The following ENOX1 variants were observed in gnomAD, a reference collection of about 807,000 sequenced individuals.
The protein encoded by ENOX1 is ecto-NOX disulfide-thiol exchanger 1.
Under a neutral mutation model 82.5 loss-of-function variants are expected in ENOX1, and 42 were observed. The observed-to-expected ratio is 0.51, with a 90% CI of 0.40 to 0.66. The LOEUF (loss-of-function observed/expected upper bound fraction) is 0.66. ENOX1 is among the 30% of genes least tolerant of loss of function. The probability of loss-of-function intolerance (pLI) is 0.00; values close to 1 mark genes in which losing one functional copy is unlikely to be tolerated. For missense variants in ENOX1, 608 were observed against 811.6 expected (o/e 0.75, Z 3.05); for synonymous variants, 271 against 282.2 (o/e 0.96, Z 0.40).
chr13:43,290,797 C>T (rs895578377), intron 12 of ENOX1, among the ~76,000 whole-genome samples: 4 of 152,096 alleles, frequency 2.6e-5, no homozygotes, highest in Non-Finnish European at 5.9e-5. Context: ...GAGGTTGAGG[C>T]GGGCAGATCA....
intron 11 of ENOX1, among the ~76,000 whole-genome samples, chr13:43,316,952 G>A (rs1453694607): frequency 6.6e-6 from 1 of 152,228 alleles, no homozygotes; most frequent in Non-Finnish European, 1.5e-5. Context: ...TGGGTTCCCA[G>A]AAGAGAAAAT....
At chr13:43,776,086 A>C (rs748513480) in intron 1 of ENOX1, among the ~76,000 whole-genome samples, 1 of 152,254 alleles carries the variant, frequency 6.6e-6, no homozygotes, top group Non-Finnish European at 1.5e-5. Flanking sequence ...CATGCAGTAA[A>C]GTGCCAGCCA....
chr13:43,601,994 C>T (rs1331691172), intron 2 of ENOX1, among the ~76,000 whole-genome samples: 1 of 151,966 alleles, frequency 6.6e-6, no homozygotes, highest in Admixed American at 6.6e-5. Context: ...GAGAAATAAA[C>T]TATACAAACA....
intron 1 of ENOX1, among the ~76,000 whole-genome samples, chr13:43,757,017 A>C (rs915494657): frequency 1.3e-5 from 2 of 151,292 alleles, no homozygotes; most frequent in Non-Finnish European, 2.9e-5. Context: ...TAGGGTTGTA[A>C]GCATCGTTAA....
At chr13:43,378,397 A>T (rs185519772) in intron 5 of ENOX1, among the ~76,000 whole-genome samples, 26 of 152,340 alleles carry the variant, frequency 1.7e-4, no homozygotes, top group Admixed American at 1.5e-3. Flanking sequence ...CTCCCTGGAG[A>T]TATAAAGCAA....
intron 16 of ENOX1, among the ~76,000 whole-genome samples, chr13:43,218,474 A>G (rs1213326270): frequency 6.6e-6 from 1 of 152,058 alleles, no homozygotes; most frequent in Non-Finnish European, 1.5e-5. Flanking sequence ...AAAACATACA[A>G]AAATTAGCCG....
intron 11 of ENOX1, among the ~76,000 whole-genome samples, chr13:43,299,440 C>T (rs888900192): frequency 6.6e-6 from 1 of 152,160 alleles, no homozygotes; most frequent in Non-Finnish European, 1.5e-5. Context: ...TATGAACTCA[C>T]TCACTTCATA....
chr13:43,248,697 C>A (rs773517586), intron 14 of ENOX1, among the ~76,000 whole-genome samples: 29 of 151,218 alleles, frequency 1.9e-4, no homozygotes, highest in Admixed American at 5.3e-4. Flanking sequence ...TTTCTCATTA[C>A]AAATAAAAAT....
At chr13:43,768,414 C>A (rs1951406345) in intron 1 of ENOX1, among the ~76,000 whole-genome samples, 1 of 152,116 alleles carries the variant, frequency 6.6e-6, no homozygotes. Context: ...CCAGCCTGGG[C>A]AACATAGTGA....
chr13:43,690,769 CT>C (rs1385055773), intron 1 of ENOX1, among the ~76,000 whole-genome samples: 2 of 152,174 alleles, frequency 1.3e-5, no homozygotes, highest in Non-Finnish European at 2.9e-5. Context: ...CAAATATCAT[CT>C]GCAAAGCACA....
Position 43,668,688 on chromosome 13 carries a change from T to TAG in ENOX1, c.-284-1145_-284-1144insCT, listed in dbSNP as rs2085106711. The stretch of plus-strand genomic sequence containing the variant: ...GAAGGATAAAAATTACCACATGGCA[T>TAG]GATAGATCTAATAGGGAAAGGTCAG... On this transcript the variant is annotated intron_variant, in intron 1 of 16. Coordinates refer to ENST00000690772, the MANE Select transcript of ENOX1 (RefSeq NM_001347969.2). 2.0e-5 allele frequency among the ~76,000 whole-genome samples: 3 copies of TAG among 152,126 alleles called. No homozygotes were observed. In the South Asian group the frequency reaches 6.2e-4, roughly 32 times the overall value.
At chr13:43,639,227 G>A (rs563068393) in intron 2 of ENOX1, among the ~76,000 whole-genome samples, 3 of 152,214 alleles carry the variant, frequency 2.0e-5, no homozygotes, top group South Asian at 4.2e-4. Context: ...GCTTGAACCC[G>A]GGAGGCGGAG....
intron 1 of ENOX1, among the ~76,000 whole-genome samples, chr13:43,671,517 T>C (rs2085265589): frequency 1.3e-5 from 2 of 152,306 alleles, no homozygotes; most frequent in South Asian, 4.1e-4. Flanking sequence ...AATCCCTCTA[T>C]TTGTTCCCAT....
At chr13:43,622,441 C>T (rs967027004) in intron 2 of ENOX1, among the ~76,000 whole-genome samples, 3 of 152,136 alleles carry the variant, frequency 2.0e-5, no homozygotes, top group African/African-American at 7.2e-5. Flanking sequence ...TGTGGTGTTC[C>T]CTTGATGTAG....
intron 8 of ENOX1, among the ~76,000 whole-genome samples, chr13:43,350,514 C>T (rs565840333): frequency 2.0e-5 from 3 of 152,328 alleles, no homozygotes; most frequent in South Asian, 2.1e-4. Context: ...GGCATGATCT[C>T]GGCTCACTGC....
chr13:43,496,314 G>T (rs1421002302), intron 2 of ENOX1, among the ~76,000 whole-genome samples: 2 of 151,642 alleles, frequency 1.3e-5, no homozygotes, highest in Non-Finnish European at 2.9e-5. Flanking sequence ...CAATTTTTGT[G>T]TATGGTCTGA....
chr13:43,674,292 T>C (rs573600470), intron 1 of ENOX1, among the ~76,000 whole-genome samples: 2 of 152,160 alleles, frequency 1.3e-5, no homozygotes, highest in South Asian at 4.2e-4. Context: ...AGACAGGTGA[T>C]AAACCAAAAA....
chr13:43,716,962 C>T (rs2088185789), intron 1 of ENOX1, among the ~76,000 whole-genome samples: 1 of 152,182 alleles, frequency 6.6e-6, no homozygotes, highest in African/African-American at 2.4e-5. Context: ...AATGATGATA[C>T]TGCCCAAAGC....
chr13:43,677,625 T>C (rs910306551), intron 1 of ENOX1, among the ~76,000 whole-genome samples: 7 of 152,246 alleles, frequency 4.6e-5, no homozygotes, highest in African/African-American at 1.7e-4. Context: ...CCAATTATCA[T>C]AGTGATGATT....
Sources: allele counts gnomAD v4.1 joint callset (sites outside exome capture counted in the v4.1 genomes callset), GRCh38; gene constraint gnomAD v4.1.1; transcripts MANE v1.5; gene names NCBI Gene and HGNC (gene_info 2026-07-23, HGNC 2026-07-21).